Variants in NUMB observed in about 807,000 individuals in gnomAD.
NUMB encodes NUMB endocytic adaptor protein.
Under a neutral mutation model 59.7 loss-of-function variants are expected in NUMB, and 29 were observed. The observed-to-expected ratio is 0.49, with a 90% CI of 0.36 to 0.66. The LOEUF (loss-of-function observed/expected upper bound fraction) is 0.66. Ranked by LOEUF, NUMB falls within the 30% of genes least tolerant of loss-of-function variation. The pLI, the probability that NUMB is intolerant of heterozygous loss-of-function variation, is 0.00. For synonymous variants in NUMB, 288 were observed against 288.2 expected, an observed-to-expected ratio of 1.00 and a Z score of 0.01; for missense variants, 723 against 822.0, an observed-to-expected ratio of 0.88 and a Z score of 1.47.
chr14:73,386,864 C>CTTTTTTTTTTTTTTTTTTTTTTTT lies in NUMB; in HGVS notation c.-100-19884_-100-19883insAAAAAAAAAAAAAAAAAAAAAAAA, dbSNP rs1566773800. ...TAATACAAGACAATCTATCAGGTGT[C>CTTTTTTTTTTTTTTTTTTTTTTTT]TTATTTTTTTTTTTTTTTTTTTTTT... On this transcript the variant is annotated intron_variant, in intron 2 of 12. Transcript: ENST00000555238. 2.7e-5 allele frequency among the ~76,000 whole-genome samples: 2 copies of CTTTTTTTTTTTTTTTTTTTTTTTT among 73,808 alleles called. 1 individual carries two copies. Among genetic ancestry groups the CTTTTTTTTTTTTTTTTTTTTTTTT allele is most frequent in the African/African-American group, 1.1e-4 (2 of 18,170 alleles). The allele number at this position is 73,808 out of a possible 152,430, so 48.4% of individuals were successfully genotyped here.
intron 11 of NUMB, 96 bp from the exon 12 acceptor site, chr14:73,279,520 G>A (rs1204347476): frequency 3.4e-6 from 4 of 1,179,004 alleles, no homozygotes; most frequent in Non-Finnish European, 4.7e-6. Flanking sequence ...GTACAATACT[G>A]GTGGAATGGA....
chr14:73,329,541 T>C (rs539885216), intron 4 of NUMB, among the ~76,000 whole-genome samples: 1 of 152,316 alleles, frequency 6.6e-6, no homozygotes, highest in Admixed American at 6.5e-5. Context: ...TTGCAGTTGG[T>C]TGACTCTATG....
intron 6 of NUMB, among the ~76,000 whole-genome samples, chr14:73,308,270 G>A (rs1044154494): frequency 1.3e-5 from 2 of 152,160 alleles, no homozygotes; most frequent in Admixed American, 6.5e-5. Flanking sequence ...ATAAGAAAAA[G>A]AGAAGTCAAG....
chr14:73,304,501 G>A (rs1289551551), intron 6 of NUMB, among the ~76,000 whole-genome samples: 1 of 151,980 alleles, frequency 6.6e-6, no homozygotes, highest in Non-Finnish European at 1.5e-5. Context: ...TATAGAGATG[G>A]TCTTGCTATG....
intron 8 of NUMB, among the ~76,000 whole-genome samples, chr14:73,289,893 G>A (rs1889278656): frequency 6.6e-6 from 1 of 152,178 alleles, no homozygotes; most frequent in Admixed American, 6.5e-5. Flanking sequence ...CTTTCTCCTA[G>A]GCCTAGGGCA....
chr14:73,355,000 T>C (rs1044497445), intron 4 of NUMB, among the ~76,000 whole-genome samples: 1 of 152,160 alleles, frequency 6.6e-6, no homozygotes, highest in African/African-American at 2.4e-5. Context: ...ATTGCTTCTT[T>C]TTACTAAATA....
At chr14:73,444,641 C>T (rs750137746) in intron 1 of NUMB, among the ~76,000 whole-genome samples, 1 of 151,808 alleles carries the variant, frequency 6.6e-6, no homozygotes, top group African/African-American at 2.4e-5. Context: ...CTCTAGATCA[C>T]AAGGTCAAGA....
At chr14:73,408,706 C>A (rs1433627553) in intron 2 of NUMB, among the ~76,000 whole-genome samples, 3 of 151,770 alleles carry the variant, frequency 2.0e-5, no homozygotes, top group Non-Finnish European at 2.9e-5. Flanking sequence ...GGTGAAACCC[C>A]GTCTCTACTA....
chr14:73,293,935 G>A lies in NUMB; in HGVS notation c.310-1061C>T, dbSNP rs536823433. Among the ~76,000 whole-genome samples, 7 of 152,332 alleles carry A rather than the reference G, an allele frequency of 4.6e-5. No individual in the cohort carries two copies. The East Asian group carries it at 1.3e-3, about 29-fold the overall frequency. ...ATTTATTTCTTGGTCAAATAGTGAA[G>A]GCGGGCATTTAAAATCTGTCTGCTA... On this transcript the variant is annotated intron_variant, in intron 7 of 12. Transcript: ENST00000555238.
chr14:73,373,330 C>A (rs1172385349), intron 2 of NUMB, among the ~76,000 whole-genome samples: 1 of 152,160 alleles, frequency 6.6e-6, no homozygotes, highest in Non-Finnish European at 1.5e-5. Flanking sequence ...AGGGCAGGAC[C>A]CAGTAGGTAG....
chr14:73,392,131 C>A (rs762736167), intron 2 of NUMB, among the ~76,000 whole-genome samples: 1 of 152,216 alleles, frequency 6.6e-6, no homozygotes, highest in African/African-American at 2.4e-5. Flanking sequence ...TTGCAACCAT[C>A]TTCCCTTGAT....
chr14:73,451,973 T>C (rs1238695872), intron 1 of NUMB, among the ~76,000 whole-genome samples: 6 of 152,176 alleles, frequency 3.9e-5, no homozygotes, highest in Admixed American at 1.3e-4. Flanking sequence ...GAACGTAAGA[T>C]AGCCTGAGCA....
chr14:73,426,383 TG>T (rs1252291213), intron 1 of NUMB, among the ~76,000 whole-genome samples: 2 of 152,082 alleles, frequency 1.3e-5, no homozygotes, highest in Non-Finnish European at 2.9e-5. Flanking sequence ...CTGGCTTCCT[TG>T]GGGAACAGGC....
intron 1 of NUMB, among the ~76,000 whole-genome samples, chr14:73,449,179 T>C (rs1425595425): frequency 1.3e-5 from 2 of 152,146 alleles, no homozygotes; most frequent in Non-Finnish European, 2.9e-5. Context: ...CAACCTAATA[T>C]TAAGTATTAT....
At chr14:73,286,948 C>G in intron 9 of NUMB, 162 bp downstream of exon 9, 3 of 677,360 alleles carry the variant, frequency 4.4e-6, no homozygotes, top group Non-Finnish European at 5.2e-6. Flanking sequence ...AAACTAGCCA[C>G]TCTAAAGGAA....
In NUMB at chr14:73,438,452, G is replaced by A. The variant is rs574675845; in HGVS notation, c.-233+20041C>T. Among the ~76,000 whole-genome samples the A allele has an allele frequency of 1.1e-4, 17 of 151,984 alleles. No individual in the cohort carries two copies. The South Asian group carries it at 2.5e-3, about 22-fold the overall frequency. On this transcript the variant is annotated intron_variant, in intron 1 of 12. Transcript: ENST00000555238. ...TCAAGACCAGCCTGGCTAAAATGGC[G>A]AAACCCCGTCTCTACTAAAAATACA...
At chr14:73,437,162 C>G (rs1898095155) in intron 1 of NUMB, among the ~76,000 whole-genome samples, 1 of 150,186 alleles carries the variant, frequency 6.7e-6, no homozygotes, top group Non-Finnish European at 1.5e-5. Context: ...CCTCCCACCT[C>G]AGCCTCCCGA....
intron 4 of NUMB, among the ~76,000 whole-genome samples, chr14:73,328,569 C>T (rs1490352456): frequency 6.6e-6 from 1 of 152,174 alleles, no homozygotes; most frequent in African/African-American, 2.4e-5. Context: ...AGTTGCTCAG[C>T]AATTGGTATC....
chr14:73,282,528 C>CA (rs1397151525), intron 10 of NUMB, 23 bp from the exon 11 acceptor site: 12 of 1,607,298 alleles, frequency 7.5e-6, no homozygotes, highest in Non-Finnish European at 1.0e-5. Flanking sequence ...CAGAAAATGG[C>CA]TCCAGACAGA....
Sources: allele counts gnomAD v4.1 joint callset (sites outside exome capture counted in the v4.1 genomes callset), GRCh38; gene constraint gnomAD v4.1.1; transcripts MANE v1.5; gene names NCBI Gene and HGNC (gene_info 2026-07-23, HGNC 2026-07-21).